The following PPP2R2C variants were observed in gnomAD, a reference collection of about 807,000 sequenced individuals.
PPP2R2C encodes the protein protein phosphatase 2, regulatory subunit B, gamma.
Under a neutral mutation model 45.3 loss-of-function variants are expected in PPP2R2C, and 10 were observed. The observed-to-expected ratio is 0.22, with a 90% confidence interval of 0.14 to 0.37. The LOEUF is 0.37. Ranked by LOEUF, PPP2R2C falls within the 10% of genes least tolerant of loss-of-function variation. The pLI, the probability that PPP2R2C is intolerant of heterozygous loss-of-function variation, is 1.00. For synonymous variants in PPP2R2C, 257 were observed against 245.4 expected (o/e 1.05, Z -0.44); for missense variants, 308 against 619.7 (o/e 0.50, Z 5.34).
intron 1 of PPP2R2C, among the ~76,000 whole-genome samples, chr4:6,401,775 A>G (rs1181127146): frequency 1.3e-5 from 2 of 152,192 alleles, no homozygotes; most frequent in East Asian, 3.8e-4. Flanking sequence ...CACAAGTGAC[A>G]CTGGAGAACA....
chr4:6,546,546 A>C (rs905238077), intron 1 of PPP2R2C, among the ~76,000 whole-genome samples: 6 of 152,190 alleles, frequency 3.9e-5, no homozygotes, highest in Non-Finnish European at 8.8e-5. Flanking sequence ...TGAGTGGTAG[A>C]TTCTGACAAA....
intron 2 of PPP2R2C, among the ~76,000 whole-genome samples, chr4:6,502,115 G>T (rs1723076941): frequency 6.6e-6 from 1 of 152,196 alleles, no homozygotes; most frequent in South Asian, 2.1e-4. Flanking sequence ...TAGGGGATGA[G>T]GACGAATGGA....
intron 2 of PPP2R2C, among the ~76,000 whole-genome samples, chr4:6,511,131 T>C (rs905306518): frequency 6.6e-6 from 1 of 152,208 alleles, no homozygotes; most frequent in African/African-American, 2.4e-5. Flanking sequence ...ATGGAGATAA[T>C]AATCGCCCAT....
chr4:6,450,126 G>A (rs1720656852), intron 1 of PPP2R2C, among the ~76,000 whole-genome samples: 1 of 152,198 alleles, frequency 6.6e-6, no homozygotes, highest in Non-Finnish European at 1.5e-5. Context: ...GTCAGACAAG[G>A]CTGGGGCCAA....
At chr4:6,446,428 A>AC (rs1276255064) in intron 1 of PPP2R2C, among the ~76,000 whole-genome samples, 1 of 152,064 alleles carries the variant, frequency 6.6e-6, no homozygotes, top group East Asian at 1.9e-4. Context: ...CAGCCAGGCC[A>AC]CGGGGGGAAC....
At chr4:6,415,393 GA>G (rs1488739899) in intron 1 of PPP2R2C, among the ~76,000 whole-genome samples, 1 of 152,148 alleles carries the variant, frequency 6.6e-6, no homozygotes, top group African/African-American at 2.4e-5. Flanking sequence ...TTAAAGCAAA[GA>G]AAAAAAGCTT....
intron 1 of PPP2R2C, among the ~76,000 whole-genome samples, chr4:6,448,500 C>CG (rs1720554207): frequency 6.6e-6 from 1 of 152,138 alleles, no homozygotes; most frequent in Non-Finnish European, 1.5e-5. Context: ...GGCAGACCCT[C>CG]GAGGTCAGCC....
intron 1 of PPP2R2C, among the ~76,000 whole-genome samples, chr4:6,554,885 A>AG (rs1363372207): frequency 2.3e-4 from 27 of 116,218 alleles, no homozygotes; most frequent in Non-Finnish European, 4.0e-4. Context: ...AAAAAGAAAA[A>AG]GAAAGGAAGG....
intron 2 of PPP2R2C, among the ~76,000 whole-genome samples, chr4:6,512,696 T>C (rs1217030937): frequency 6.6e-6 from 1 of 151,490 alleles, no homozygotes; most frequent in African/African-American, 2.4e-5. Context: ...GTGGTGGTGA[T>C]GATGGTGAGA....
chr4:6,414,633 T>C (rs1220528806), intron 1 of PPP2R2C, among the ~76,000 whole-genome samples: 1 of 151,138 alleles, frequency 6.6e-6, no homozygotes, highest in Non-Finnish European at 1.5e-5. Context: ...CCTCCTGGTA[T>C]ATGGATGGGG....
intron 4 of PPP2R2C, among the ~76,000 whole-genome samples, chr4:6,373,901 ATGTGTGTGTG>A (rs60094669): frequency 2.7e-5 from 4 of 146,450 alleles, no homozygotes; most frequent in African/African-American, 5.2e-5. Flanking sequence ...ATGTGCATGC[ATGTGTGTGTG>A]TGTGTGTGTG....
Position 6,368,506 on chromosome 4 carries a change from C to T in PPP2R2C, c.625+4017G>A, listed in dbSNP as rs113278518. Among the ~76,000 whole-genome samples the T allele has an allele frequency of 6.1e-3, 926 of 152,236 alleles. 8 individuals are homozygous for T. The highest frequency in any genetic ancestry group is 0.021 in the African/African-American group (868 of 41,536). ...GGTAAATGGTGTGCTCTGCAACATG[C>T]GGACAGGGCACAATCTGTGTGTTCG... is the stretch of plus-strand genomic sequence containing the variant. On this transcript the variant is annotated intron_variant, in intron 5 of 8. Coordinates refer to ENST00000382599, the MANE Select transcript of PPP2R2C (RefSeq NM_020416.4). The surrounding 1 kb of genome is among the most constrained non-coding windows in gnomAD (Gnocchi z 4.2).
chr4:6,443,102 C>G (rs1325712141), intron 1 of PPP2R2C, among the ~76,000 whole-genome samples: 1 of 151,676 alleles, frequency 6.6e-6, no homozygotes, highest in East Asian at 2.0e-4. Flanking sequence ...GAGAACCAAG[C>G]TCTACAGTGG....
At chr4:6,357,352 C>G (rs78333035) in intron 5 of PPP2R2C, among the ~76,000 whole-genome samples, 2,090 of 152,296 alleles carry the variant, frequency 0.014, 41 homozygotes, top group African/African-American at 0.048. Context: ...CCTTCCAGTG[C>G]CAACATTCAC....
chr4:6,532,955 G>A (rs1046858124), intron 2 of PPP2R2C, among the ~76,000 whole-genome samples: 3 of 152,190 alleles, frequency 2.0e-5, no homozygotes, highest in South Asian at 2.1e-4. Flanking sequence ...CTCAACACAG[G>A]GGGTACTGCA....
intron 2 of PPP2R2C, among the ~76,000 whole-genome samples, chr4:6,528,256 G>A (rs971785072): frequency 3.3e-5 from 5 of 152,248 alleles, no homozygotes; most frequent in Admixed American, 1.3e-4. Context: ...CAGCTTGTGC[G>A]GGGAGCTGGG....
intron 5 of PPP2R2C, among the ~76,000 whole-genome samples, chr4:6,358,549 A>G (rs76182343): frequency 0.92 from 136,705 of 148,292 alleles, 63,645 homozygotes; most frequent in East Asian, 1. Context: ...CCATCAGAGC[A>G]AACAGGCAAC....
At chr4:6,431,928 G>A (rs1719645385) in intron 1 of PPP2R2C, among the ~76,000 whole-genome samples, 1 of 152,156 alleles carries the variant, frequency 6.6e-6, no homozygotes, top group Non-Finnish European at 1.5e-5. Context: ...AGAAGCTTCA[G>A]TGTCTGGGGA....
At chr4:6,469,986 G>A (rs934796604) in intron 1 of PPP2R2C, among the ~76,000 whole-genome samples, 5 of 152,238 alleles carry the variant, frequency 3.3e-5, no homozygotes, top group African/African-American at 7.2e-5. Flanking sequence ...GGGATAAGGC[G>A]TAGGTGAGCC....
Sources: allele counts gnomAD v4.1 joint callset (sites outside exome capture counted in the v4.1 genomes callset), GRCh38; gene constraint gnomAD v4.1.1; non-coding constraint Gnocchi (gnomAD v3.1); transcripts MANE v1.5; gene names NCBI Gene and HGNC (gene_info 2026-07-23, HGNC 2026-07-21).